Variants in RBP3 observed in about 807,000 individuals in gnomAD.
RBP3 encodes the protein retinol binding protein 3, also known as retinol-binding protein 3.
Under a neutral mutation model 64.8 loss-of-function variants are expected in RBP3, and 50 were observed. The observed-to-expected ratio is 0.77, with a 90% CI of 0.61 to 0.98. The LOEUF is 0.98. Ranked by LOEUF, RBP3 falls within the 50% of genes least tolerant of loss-of-function variation. RBP3 has a pLI of 0.00. For missense variants in RBP3, 1,712 were observed against 1,660.5 expected, an observed-to-expected ratio of 1.03 and a Z score of -0.54; for synonymous variants, 828 against 730.2, an observed-to-expected ratio of 1.13 and a Z score of -2.16.
intron 2 of RBP3, among the ~76,000 whole-genome samples, chr10:47,354,646 T>C (rs1312547176): frequency 6.6e-6 from 1 of 152,218 alleles, no homozygotes; most frequent in Non-Finnish European, 1.5e-5. Flanking sequence ...AAAGAGGAGA[T>C]GGCCCCAGCC....
At position 47,350,233 on chromosome 10, in the gene RBP3, C is replaced by T. The variant is rs1555211302; in HGVS notation, c.1749C>T (p.Asp583=). ...LLHTRTVPLL[D]TPEGSLALTV... is the part of the protein sequence containing the mutation. ...ACACCCGCACGGTGCCGCTGCTGGA[C>T]ACACCCGAAGGCAGCCTCGCGCTCA... The change falls in exon 1 of 4, where the codon GAC becomes GAT. Residue 583 remains aspartate (D), a synonymous_variant. Coordinates refer to ENST00000584701, the MANE Select transcript of RBP3 (RefSeq NM_002900.3). The T allele has an allele frequency of 1.2e-6, 2 of 1,608,338 alleles. No individual in the cohort carries two copies. Among genetic ancestry groups the T allele is most frequent in the Non-Finnish European group, 1.7e-6 (2 of 1,179,920 alleles).
Position 47,353,514 on chromosome 10 carries a change from A to T in RBP3, c.3244A>T (p.Arg1082Trp). ...MHTDAMIIDMRFNIGGPTSSI... is the reference protein window; with the variant it reads ...MHTDAMIIDMWFNIGGPTSSI... ...CACGGATGCCATGATCATCGACATGAGGTCAGTGGCCAGGGGTCAGTGCTT... is the reference window on the plus strand; with the variant it reads ...CACGGATGCCATGATCATCGACATGTGGTCAGTGGCCAGGGGTCAGTGCTT... Residue 1082 changes from arginine (R) to tryptophan (W), a missense_variant and splice_region_variant, in exon 2 of 4, where the codon AGG becomes TGG. Transcript: ENST00000584701. 6.2e-7 allele frequency: 1 copy of T among 1,613,906 alleles called. No individual in the cohort carries two copies. The highest frequency in any genetic ancestry group is 8.5e-7 in the Non-Finnish European group (1 of 1,179,986).
In RBP3 at chr10:47,349,553, A is replaced by G. The variant is rs1836920280; in HGVS notation, c.1069A>G (p.Met357Val). Residue 357 changes from methionine to valine, a missense_variant, in exon 1 of 4, where the codon ATG becomes GTG. Coordinates refer to ENST00000584701, the MANE Select transcript of RBP3 (RefSeq NM_002900.3). Reference protein sequence around the residue: ...VPTLLQHLASMDFSTVVSEED... With the variant: ...VPTLLQHLASVDFSTVVSEED... ...CACCCTGCTGCAGCACTTGGCCAGC[A>G]TGGACTTCTCCACGGTGGTCTCCGA... 1 of 1,613,048 alleles carries G rather than the reference A, an allele frequency of 6.2e-7. No individual in the cohort carries two copies. Among genetic ancestry groups the G allele is most frequent in the Non-Finnish European group, 8.5e-7 (1 of 1,180,010 alleles).
chr10:47,357,515 G>A lies in RBP3; in HGVS notation c.*58G>A, dbSNP rs1837066628. ...ACAGAACCTCTGGGACACACACCAA[G>A]GGCACTCCTGCAGGTGGCCCGGCCT... On this transcript the variant is annotated 3_prime_UTR_variant, in exon 4 of 4. Transcript: ENST00000584701. 1.0e-5 allele frequency: 15 copies of A among 1,505,574 alleles called. No individual in the cohort carries two copies. The South Asian group carries it at 1.7e-4, about 17-fold the overall frequency. 93.3% of individuals were successfully genotyped at this position (1,505,574 alleles called of 1,614,324 possible).
At position 47,349,261 on chromosome 10, in the gene RBP3, T is replaced by G; in HGVS notation, c.777T>G (p.Thr259=). The change falls in exon 1 of 4, where the codon ACT becomes ACG. Residue 259 remains threonine, a synonymous_variant. Transcript: ENST00000584701. ...MRRAIVVGER[T]GGGALDLRKL... ...GGGCCATCGTGGTGGGCGAGCGGAC[T>G]GGGGGAGGGGCCCTGGACCTCCGGA... is the stretch of plus-strand genomic sequence containing the variant. 6.2e-7 allele frequency: 1 copy of G among 1,613,084 alleles called. No homozygotes were observed. Among genetic ancestry groups the G allele is most frequent in the Non-Finnish European group, 8.5e-7 (1 of 1,179,990 alleles).
rs147336433 is a variant in RBP3 at position 47,349,780 on chromosome 10, G to A, written c.1296G>A (p.Val432=). The A allele has an allele frequency of 6.0e-4, 976 of 1,613,234 alleles. 10 individuals carry two copies. In the African/African-American group the frequency reaches 0.01, roughly 17 times the overall value. ...CACTGGTGGACTCTGTGTTCCAGGT[G>A]TCGGTGCTGCCAGGCAATGTGGGCT... The part of the protein sequence containing the change: ...RQALVDSVFQ[V]SVLPGNVGYL... The change falls in exon 1 of 4, where the codon GTG becomes GTA. Residue 432 remains valine (V), a synonymous_variant. Coordinates refer to ENST00000584701, the MANE Select transcript of RBP3 (RefSeq NM_002900.3).
At position 47,350,602 on chromosome 10, in the gene RBP3, C is replaced by T. The variant is rs782605269; in HGVS notation, c.2118C>T (p.Gly706=). Residue 706 remains glycine, a synonymous_variant, in exon 1 of 4, where the codon GGC becomes GGT. Coordinates refer to ENST00000584701, the MANE Select transcript of RBP3 (RefSeq NM_002900.3). ...GCTTGCTAGTGTTCCACAGCCCTGG[C>T]GAGCTGGTGGTAGAGGAAGCACCCC... is the stretch of plus-strand genomic sequence containing the variant. ...DHRLLVFHSP[G]ELVVEEAPPP... is the part of the protein sequence containing the mutation. The T allele has an allele frequency of 2.4e-5, 39 of 1,612,816 alleles. No individual in the cohort carries two copies. Among genetic ancestry groups the T allele is most frequent in the African/African-American group, 9.3e-5 (7 of 74,928 alleles).
Position 47,349,683 on chromosome 10 carries a change from C to T in RBP3, c.1199C>T (p.Ala400Val), listed in dbSNP as rs552706223. Reference protein sequence around the residue: ...IGPTETPSWPAPDAAAEDSPG... With the variant: ...IGPTETPSWPVPDAAAEDSPG... ...CCCACAGAAACTCCTTCTTGGCCCG[C>T]GCCCGACGCTGCAGCCGAAGACTCA... is the stretch of plus-strand genomic sequence containing the variant. The change falls in exon 1 of 4, where the codon GCG (alanine) becomes GTG (valine). Residue 400 changes from alanine (A) to valine (V), a missense_variant. By Grantham distance (64) the Ala-to-Val change is moderately conservative. Transcript: ENST00000584701. The T allele has an allele frequency of 3.7e-5, 60 of 1,611,574 alleles. No individual in the cohort carries two copies. The South Asian group carries it at 4.5e-4, about 12-fold the overall frequency.
At position 47,351,431 on chromosome 10, in the gene RBP3, G is replaced by A. The variant is rs782295621; in HGVS notation, c.2947G>A (p.Glu983Lys). The A allele has an allele frequency of 7.4e-6, 12 of 1,613,778 alleles. No individual in the cohort carries two copies. The highest frequency in any genetic ancestry group is 4.0e-5 in the African/African-American group (3 of 75,054). ...GGTGACCTCAGAAGTGGCCCTAGCC[G>A]AGATCCTGGGGGCTGACCTGCAGAT... Reference protein sequence around the residue: ...SRVTSEVALAEILGADLQMLS... With the variant: ...SRVTSEVALAKILGADLQMLS... The change falls in exon 1 of 4, where the codon GAG becomes AAG. Residue 983 changes from glutamate to lysine, a missense_variant. By Grantham distance (56) the Glu-to-Lys change is moderately conservative. Transcript: ENST00000584701.
At position 47,349,872 on chromosome 10, in the gene RBP3, A is replaced by C; in HGVS notation, c.1388A>C (p.Gln463Pro). Residue 463 changes from glutamine (Q) to proline (P), a missense_variant, in exon 1 of 4, where the codon CAG (glutamine) becomes CCG (proline). Gln to Pro is a moderately conservative substitution (Grantham distance 76, BLOSUM62 -1). Coordinates refer to ENST00000584701, the MANE Select transcript of RBP3 (RefSeq NM_002900.3). The part of the protein sequence containing the change: ...LGVLAPYVLR[Q>P]VWEPLQDTEH... ...GTGTTGGCCCCATATGTCCTGCGCC[A>C]GGTGTGGGAGCCGCTACAGGACACG... 1 of 1,613,128 alleles carries C rather than the reference A, an allele frequency of 6.2e-7. No individual in the cohort carries two copies.
In RBP3 at chr10:47,349,300, C is replaced by T. The variant is rs148432607; in HGVS notation, c.816C>T (p.Gly272=). ...TGGACCTCCGGAAGCTGAGGATAGG[C>T]GAGTCTGACTTCTTCTTCACGGTGC... is the stretch of plus-strand genomic sequence containing the variant. The part of the protein sequence containing the change: ...GALDLRKLRI[G]ESDFFFTVPV... The change falls in exon 1 of 4, where the codon GGC becomes GGT. Residue 272 remains glycine (G), a synonymous_variant. Coordinates refer to ENST00000584701, the MANE Select transcript of RBP3 (RefSeq NM_002900.3). The T allele has an allele frequency of 1.7e-4, 269 of 1,612,736 alleles. 1 individual carries two copies. Among genetic ancestry groups the T allele is most frequent in the Non-Finnish European group, 2.0e-4 (241 of 1,179,982 alleles).
rs1429281736 is a variant in RBP3, at chr10:47,351,003, TCTAC to T, written c.2520_2523del (p.Tyr841SerfsTer2). ...CAGCGCTACGGCTCACACAAGGACC[TCTAC>T]ATCCTGATGAGCCACACCAGTGGCT... On this transcript the variant is annotated frameshift_variant, in exon 1 of 4. Transcript: ENST00000584701. LOFTEE classifies it high-confidence loss of function. 2 of 1,611,174 alleles carry T rather than the reference TCTAC, an allele frequency of 1.2e-6. No homozygotes were observed.
chr10:47,351,059 A>G lies in RBP3; in HGVS notation c.2575A>G (p.Met859Val), dbSNP rs577807789. The change falls in exon 1 of 4, where the codon ATG (methionine) becomes GTG (valine). Residue 859 changes from methionine (M) to valine (V), a missense_variant. Coordinates refer to ENST00000584701, the MANE Select transcript of RBP3 (RefSeq NM_002900.3). ...TGCGGCCGAGGCCTTTGCACACACC[A>G]TGCAGGACCTGCAGCGGGCCACGGT... Reference protein sequence around the residue: ...GSAAEAFAHTMQDLQRATVIG... With the variant: ...GSAAEAFAHTVQDLQRATVIG... The G allele has an allele frequency of 6.8e-5, 110 of 1,611,438 alleles. No individual in the cohort carries two copies. Among genetic ancestry groups the G allele is most frequent in the Non-Finnish European group, 8.9e-5 (105 of 1,179,866 alleles).
Position 47,350,818 on chromosome 10 carries a change from G to A in RBP3, c.2334G>A (p.Leu778=). ...AACAGCTGGTGGACACGGCTGCGCT[G>A]GTGATCGACCTGCGCTACAACCCTG... The part of the protein sequence containing the change: ...VWQQLVDTAA[L]VIDLRYNPGS... The change falls in exon 1 of 4, where the codon CTG becomes CTA. Residue 778 remains leucine (L), a synonymous_variant. Transcript: ENST00000584701. The A allele has an allele frequency of 1.9e-6, 3 of 1,613,066 alleles. No homozygotes were observed. Among genetic ancestry groups the A allele is most frequent in the East Asian group, 2.2e-5 (1 of 44,884 alleles).
chr10:47,350,821 G>A lies in RBP3; in HGVS notation c.2337G>A (p.Val779=). 1 of 1,613,054 alleles carries A rather than the reference G, an allele frequency of 6.2e-7. No individual in the cohort carries two copies. Residue 779 remains valine (V), a synonymous_variant, in exon 1 of 4, where the codon GTG becomes GTA. Transcript: ENST00000584701. ...AGCTGGTGGACACGGCTGCGCTGGT[G>A]ATCGACCTGCGCTACAACCCTGGCA... The part of the protein sequence containing the change: ...WQQLVDTAAL[V]IDLRYNPGSY...
At position 47,349,577 on chromosome 10, in the gene RBP3, G is replaced by A. The variant is rs782662883; in HGVS notation, c.1093G>A (p.Glu365Lys). 34 of 1,612,888 alleles carry A rather than the reference G, an allele frequency of 2.1e-5. No homozygotes were observed. In the East Asian group the frequency reaches 2.5e-4, roughly 12 times the overall value. Residue 365 changes from glutamate to lysine, a missense_variant, in exon 1 of 4, where the codon GAG becomes AAG. Glu to Lys is a moderately conservative substitution (Grantham distance 56). Transcript: ENST00000584701. ...CATGGACTTCTCCACGGTGGTCTCC[G>A]AGGAAGATCTGGTCACCAAGCTCAA... is the stretch of plus-strand genomic sequence containing the variant. ...ASMDFSTVVS[E>K]EDLVTKLNAG... is the part of the protein sequence containing the mutation.
rs2132255914 is a variant in RBP3, at chr10:47,351,454, G to A, written c.2970G>A (p.Gln990=). The A allele has an allele frequency of 1.2e-6, 2 of 1,613,828 alleles. No individual in the cohort carries two copies. Among genetic ancestry groups the A allele is most frequent in the Non-Finnish European group, 1.7e-6 (2 of 1,180,044 alleles). The change falls in exon 1 of 4, where the codon CAG becomes CAA. Residue 990 remains glutamine, a synonymous_variant. Coordinates refer to ENST00000584701, the MANE Select transcript of RBP3 (RefSeq NM_002900.3). ...CCGAGATCCTGGGGGCTGACCTGCA[G>A]ATGCTCTCCGGAGACCCACACCTGA... is the stretch of plus-strand genomic sequence containing the variant. ...ALAEILGADL[Q]MLSGDPHLKA...
intron 1 of RBP3, among the ~76,000 whole-genome samples, chr10:47,351,851 G>A (rs1243931671): frequency 6.6e-6 from 1 of 152,206 alleles, no homozygotes; most frequent in Non-Finnish European, 1.5e-5. Context: ...ATACTCACAG[G>A]AAGCCAGTTC....
rs11204213 is a variant in RBP3, at chr10:47,351,134, G to A, written c.2650G>A (p.Val884Met). The change falls in exon 1 of 4, where the codon GTG (valine) becomes ATG (methionine). Residue 884 changes from valine (V) to methionine (M), a missense_variant. Physicochemically the swap from Val to Met is conservative, Grantham distance 21. Transcript: ENST00000584701. ...CGCACTCTCTGTGGGCATCTACCAG[G>A]TGGGCAGCAGCCCCTTATATGCATC... ...GGALSVGIYQVGSSPLYASMP... is the reference protein window; with the variant it reads ...GGALSVGIYQMGSSPLYASMP... 2.3e-3 allele frequency: 3,709 copies of A among 1,613,042 alleles called. 49 individuals carry two copies. In the East Asian group the frequency reaches 0.035, roughly 15 times the overall value.
Sources: gnomAD v4.1 joint callset for allele counts (sites outside exome capture counted in the v4.1 genomes callset) on GRCh38, gnomAD v4.1.1 for gene constraint, MANE v1.5 for transcripts, NCBI Gene and HGNC (gene_info 2026-07-23, HGNC 2026-07-21) for gene names.